TMPRSS6: variants seen among roughly 807,000 people sequenced by gnomAD.
TMPRSS6 encodes transmembrane protease serine 6.
Under a neutral mutation model 101.5 loss-of-function variants are expected in TMPRSS6, and 67 were observed. The observed-to-expected ratio is 0.66, with a 90% confidence interval of 0.54 to 0.81. The LOEUF is 0.81. TMPRSS6 is among the 30% of genes least tolerant of loss of function. The probability of loss-of-function intolerance (pLI) is 0.00; values close to 1 mark genes in which losing one functional copy is unlikely to be tolerated. For synonymous variants in TMPRSS6, 453 were observed against 464.9 expected (o/e 0.97, Z 0.33); for missense variants, 1,034 against 1,088.7 (o/e 0.95, Z 0.71).
At chr22:37,075,402 T>A (rs1480117181) in intron 10 of TMPRSS6, 122 bp from the exon 11 acceptor site, 1 of 1,339,168 alleles carries the variant, frequency 7.5e-7, no homozygotes, top group Non-Finnish European at 1.0e-6. Context: ...GTGCCTCCTC[T>A]GCCCTGATTT....
chr22:37,073,459 C>T, intron 13 of TMPRSS6, 73 bp downstream of exon 13: 2 of 993,808 alleles, frequency 2.0e-6, no homozygotes, highest in Non-Finnish European at 3.2e-6. Context: ...AAGCTAGAAA[C>T]TTTTGCTGAA....
intron 3 of TMPRSS6, among the ~76,000 whole-genome samples, chr22:37,097,659 G>A (rs996291527): frequency 4.0e-5 from 6 of 151,250 alleles, no homozygotes; most frequent in African/African-American, 7.3e-5. Flanking sequence ...GGGCAGGAGT[G>A]GCCACCGTCC....
Position 37,069,432 on chromosome 22 carries a change from G to C in TMPRSS6, c.1842-88C>G, listed in dbSNP as rs1236040072. 1 of 1,312,668 alleles carries C rather than the reference G, an allele frequency of 7.6e-7. No homozygotes were observed. The highest frequency in any genetic ancestry group is 2.0e-5 in the Admixed American group (1 of 48,830). The allele number at this position is 1,312,668 out of a possible 1,614,324, so 81.3% of individuals were successfully genotyped here. A position where few individuals can be genotyped will look rare whatever the true frequency, so the allele number is the denominator to read the frequency against. ...CATCCAGGGACCCTCAAGATAGCCAGATCCCCGCCCGGGACAGTGCCCTCC... is the reference window on the plus strand; with the variant it reads ...CATCCAGGGACCCTCAAGATAGCCACATCCCCGCCCGGGACAGTGCCCTCC... On this transcript the variant is annotated intron_variant, in intron 15 of 17. Coordinates refer to ENST00000676104, the MANE Select transcript of TMPRSS6 (RefSeq NM_001374504.1). The surrounding 1 kb of genome is among the most constrained non-coding windows in gnomAD (Gnocchi z 4.8).
intron 14 of TMPRSS6, 86 bp from the exon 15 acceptor site, chr22:37,070,738 G>A: frequency 6.8e-7 from 1 of 1,467,692 alleles, no homozygotes; most frequent in African/African-American, 1.4e-5. Flanking sequence ...GGAAAGAGAT[G>A]GAGAGACAGA....
At position 37,103,610 on chromosome 22, in the gene TMPRSS6, G is replaced by A. The variant is rs1055050489; in HGVS notation, c.-1-192C>T. 2.4e-5 allele frequency: 39 copies of A among 1,602,562 alleles called. No individual in the cohort carries two copies. In the Admixed American group the frequency reaches 3.0e-4, roughly 12 times the overall value. The stretch of plus-strand genomic sequence containing the variant: ...AGGGAAGTGCATCTCAGGTCAGCTC[G>A]CACCAGAGGGCAGGCACCAGAGCTG... On this transcript the variant is annotated intron_variant, in intron 1 of 17. Coordinates refer to ENST00000676104, the MANE Select transcript of TMPRSS6 (RefSeq NM_001374504.1). The surrounding 1 kb of genome is among the most constrained non-coding windows in gnomAD (Gnocchi z 4.4).
chr22:37,090,076 G>A (rs1929130363), intron 6 of TMPRSS6, among the ~76,000 whole-genome samples: 1 of 152,242 alleles, frequency 6.6e-6, no homozygotes, highest in Non-Finnish European at 1.5e-5. Context: ...GATGACAGCG[G>A]GGACAGACAG....
intron 1 of TMPRSS6, among the ~76,000 whole-genome samples, chr22:37,105,571 T>G (rs1930664375): frequency 6.6e-6 from 1 of 152,166 alleles, no homozygotes; most frequent in South Asian, 2.1e-4. Flanking sequence ...CTGAGAAGGT[T>G]TGCTGGATTG....
chr22:37,096,709 C>G lies in TMPRSS6; in HGVS notation c.343G>C (p.Glu115Gln). The change falls in exon 4 of 18, where the codon GAG becomes CAG. Residue 115 changes from glutamate to glutamine, a missense_variant. Glu to Gln is a conservative substitution (Grantham distance 29, BLOSUM62 2). Transcript: ENST00000676104. ...ETAKAQKMLK[E>Q]LITSTRLGTY... ...CCCAGGCGGGTGCTGGTGATGAGCTCCTTGAGCTGTGAGAAGGGAAGACAA... is the reference window on the plus strand; with the variant it reads ...CCCAGGCGGGTGCTGGTGATGAGCTGCTTGAGCTGTGAGAAGGGAAGACAA... The G allele has an allele frequency of 6.4e-7, 1 of 1,563,172 alleles. No homozygotes were observed. The highest frequency in any genetic ancestry group is 8.7e-7 in the Non-Finnish European group (1 of 1,152,692).
At chr22:37,093,020 C>G (rs1199650795) in intron 6 of TMPRSS6, among the ~76,000 whole-genome samples, 1 of 152,188 alleles carries the variant, frequency 6.6e-6, no homozygotes, top group Non-Finnish European at 1.5e-5. Flanking sequence ...CCTCATGGGG[C>G]TTAAAGCTCC....
In TMPRSS6 at chr22:37,066,009, C is replaced by T; in HGVS notation, c.*71G>A. On this transcript the variant is annotated 3_prime_UTR_variant, in exon 18 of 18. Transcript: ENST00000676104. ...CCCACCCCCCGCCAGAATACTTGTC[C>T]CCCTGCTTGGCAGTTGCCCTGGGCT... 6.2e-7 allele frequency: 1 copy of T among 1,601,942 alleles called. No individual in the cohort carries two copies. The highest frequency in any genetic ancestry group is 1.1e-5 in the South Asian group (1 of 90,656).
At position 37,093,075 on chromosome 22, in the gene TMPRSS6, G is replaced by A. The variant is rs148025135; in HGVS notation, c.631+2476C>T. Among the ~76,000 whole-genome samples, 43 of 152,300 alleles carry A rather than the reference G, an allele frequency of 2.8e-4. No homozygotes were observed. The East Asian group carries it at 3.5e-3, about 12-fold the overall frequency. On this transcript the variant is annotated intron_variant, in intron 6 of 17. Transcript: ENST00000676104. Reference sequence around the variant, plus strand: ...ACACGGTCATCCTGGTGTCCTCAGCGCAGGAATGGGGCCTGGCATGAAGGA... The same window carrying A: ...ACACGGTCATCCTGGTGTCCTCAGCACAGGAATGGGGCCTGGCATGAAGGA...
chr22:37,085,088 T>C (rs1379140187), intron 8 of TMPRSS6, among the ~76,000 whole-genome samples: 1 of 152,162 alleles, frequency 6.6e-6, no homozygotes, highest in Non-Finnish European at 1.5e-5. Context: ...TAGTAAGTGC[T>C]CGATCCGTGT....
intron 13 of TMPRSS6, among the ~76,000 whole-genome samples, chr22:37,072,453 T>TG (rs1568999335): frequency 9.6e-5 from 9 of 93,674 alleles, no homozygotes; most frequent in African/African-American, 9.6e-5. Context: ...GATGGATGGA[T>TG]GATGGATGGA....
Position 37,070,913 on chromosome 22 carries a change from C to T in TMPRSS6, c.1672+3G>A. The T allele has an allele frequency of 1.2e-6, 2 of 1,612,820 alleles. No individual in the cohort carries two copies. On this transcript the variant is annotated splice_donor_region_variant and intron_variant, in intron 14 of 17. Coordinates refer to ENST00000676104, the MANE Select transcript of TMPRSS6 (RefSeq NM_001374504.1). Reference sequence around the variant, plus strand: ...AGGGCCCCGGCAGCCAGGCAGGGCTCACCACAGTGCTCCTCATCCGAGCCG... The same window carrying T: ...AGGGCCCCGGCAGCCAGGCAGGGCTTACCACAGTGCTCCTCATCCGAGCCG...
At chr22:37,100,268 A>AAGCGAGGTTTTAAGC (rs1293518022) in intron 2 of TMPRSS6, among the ~76,000 whole-genome samples, 1 of 152,256 alleles carries the variant, frequency 6.6e-6, no homozygotes, top group Non-Finnish European at 1.5e-5. Context: ...GCCTGGCCCC[A>AAGCGAGGTTTTAAGC]AGCGAGGTTT....
chr22:37,097,762 T>TAA (rs1569023272), intron 3 of TMPRSS6, among the ~76,000 whole-genome samples: 1 of 92,050 alleles, frequency 1.1e-5, no homozygotes, highest in African/African-American at 5.0e-5. Flanking sequence ...GCGGCCACTG[T>TAA]CCTGTAACGG....
chr22:37,101,669 C>T lies in TMPRSS6; in HGVS notation c.202+1547G>A, dbSNP rs1234102392. ...GGGAGTTGGCTTCCCCCAGCAGAGG[C>T]TTGGGAGCACTCACCCCTTGGGTCC... On this transcript the variant is annotated intron_variant, in intron 2 of 17. Coordinates refer to ENST00000676104, the MANE Select transcript of TMPRSS6 (RefSeq NM_001374504.1). The surrounding 1 kb of genome is among the most constrained non-coding windows in gnomAD (Gnocchi z 4.1). Among the ~76,000 whole-genome samples the T allele has an allele frequency of 6.6e-6, 1 of 152,164 alleles. No individual in the cohort carries two copies. The highest frequency in any genetic ancestry group is 2.4e-5 in the African/African-American group (1 of 41,432).
At chr22:37,099,098 A>G (rs1312248365) in intron 2 of TMPRSS6, among the ~76,000 whole-genome samples, 1 of 152,244 alleles carries the variant, frequency 6.6e-6, no homozygotes, top group African/African-American at 2.4e-5. Flanking sequence ...GCCATCAGGG[A>G]GCAGTGCCAC....
chr22:37,084,404 C>T lies in TMPRSS6; in HGVS notation c.1087G>A (p.Val363Met). The change falls in exon 10 of 18, where the codon GTG becomes ATG. Residue 363 changes from valine to methionine, a missense_variant and splice_region_variant. Val to Met is a conservative substitution (Grantham distance 21). Transcript: ENST00000676104. Reference protein sequence around the residue: ...PQTHCSWHLTVPSLDYGLALW... With the variant: ...PQTHCSWHLTMPSLDYGLALW... ...GCCAAGCCGTAGTCCAGAGAGGGCA[C>T]CTGGGAGGGAGGAGCGGGCCATCAG... 6.2e-7 allele frequency: 1 copy of T among 1,610,634 alleles called. No individual in the cohort carries two copies. The highest frequency in any genetic ancestry group is 8.5e-7 in the Non-Finnish European group (1 of 1,178,320).
Sources: allele counts gnomAD v4.1 joint callset (sites outside exome capture counted in the v4.1 genomes callset), GRCh38; gene constraint gnomAD v4.1.1; non-coding constraint Gnocchi (gnomAD v3.1); transcripts MANE v1.5; gene names NCBI Gene and HGNC (gene_info 2026-07-23, HGNC 2026-07-21).